Variants in OPCML observed in about 807,000 individuals in gnomAD.
OPCML encodes the protein opioid-binding protein/cell adhesion molecule.
In OPCML, 13 loss-of-function variants were observed where a neutral mutation model predicts 37.8. The ratio of observed to expected loss-of-function variants is 0.34; its 90% CI spans 0.22 to 0.55. The LOEUF (loss-of-function observed/expected upper bound fraction) is 0.55, where lower values mean the gene tolerates loss of function less well. OPCML is among the 20% of genes least tolerant of loss of function. The pLI is 0.91. For synonymous variants in OPCML, 176 were observed against 168.8 expected (o/e 1.04, Z -0.33); for missense variants, 341 against 435.6 (o/e 0.78, Z 1.93).
intron 2 of OPCML, among the ~76,000 whole-genome samples, chr11:132,682,783 G>T (rs186418607): frequency 5.9e-5 from 9 of 152,286 alleles, no homozygotes; most frequent in African/African-American, 1.9e-4. Context: ...CCGTTACATA[G>T]ATACTAATTT....
chr11:133,059,223 G>A (rs182183459), intron 1 of OPCML, among the ~76,000 whole-genome samples: 1 of 152,296 alleles, frequency 6.6e-6, no homozygotes, highest in Non-Finnish European at 1.5e-5. Context: ...TACAGATAAA[G>A]CTCAAGGAAG....
At chr11:133,111,482 TAGTAC>T (rs1362628258) in intron 1 of OPCML, among the ~76,000 whole-genome samples, 10 of 152,186 alleles carry the variant, frequency 6.6e-5, no homozygotes, top group Non-Finnish European at 7.4e-5. Context: ...CAGTGTTAGT[TAGTAC>T]GAGTCTTTCT....
At position 133,174,307 on chromosome 11, in the gene OPCML, G is replaced by C. The variant is rs1478682133; in HGVS notation, c.62-231297C>G. Among the ~76,000 whole-genome samples, 1 of 152,158 alleles carries C rather than the reference G, an allele frequency of 6.6e-6. No homozygotes were observed. Among genetic ancestry groups the C allele is most frequent in the Admixed American group, 6.5e-5 (1 of 15,274 alleles). On this transcript the variant is annotated intron_variant, in intron 1 of 7. Transcript: ENST00000524381. The surrounding 1 kb of genome is among the most constrained non-coding windows in gnomAD (Gnocchi z 4.6). ...GTAGAGACCTGGAGAGAGAGGACAG[G>C]GGCCTCGCATGAACCTAGGTTCCAG...
At chr11:132,479,956 G>A (rs2096173314) in intron 4 of OPCML, among the ~76,000 whole-genome samples, 1 of 152,196 alleles carries the variant, frequency 6.6e-6, no homozygotes, top group African/African-American at 2.4e-5. Context: ...CTAAAAAGCA[G>A]AGCGCCTCTC....
chr11:132,456,833 T>C (rs2096084282), intron 4 of OPCML, among the ~76,000 whole-genome samples: 1 of 152,246 alleles, frequency 6.6e-6, no homozygotes, highest in South Asian at 2.1e-4. Context: ...TCTGTAATAC[T>C]CTATTTTTAC....
At chr11:133,105,847 T>A (rs1949148030) in intron 1 of OPCML, among the ~76,000 whole-genome samples, 1 of 152,066 alleles carries the variant, frequency 6.6e-6, no homozygotes, top group Non-Finnish European at 1.5e-5. Context: ...CCAGGCATGG[T>A]GGCGGGTGCC....
chr11:133,248,343 C>T (rs188104978), intron 1 of OPCML, among the ~76,000 whole-genome samples: 1 of 152,318 alleles, frequency 6.6e-6, no homozygotes. Flanking sequence ...GGTGGGACAC[C>T]TCTTTGGCTA....
intron 1 of OPCML, chr11:133,419,456 A>G: frequency 2.3e-6 from 1 of 427,162 alleles, no homozygotes; most frequent in South Asian, 9.8e-5. Context: ...GTTGAGTTAT[A>G]TAAACTTTTG....
intron 2 of OPCML, among the ~76,000 whole-genome samples, chr11:132,693,560 T>C (rs1036086668): frequency 6.6e-6 from 1 of 152,182 alleles, no homozygotes; most frequent in African/African-American, 2.4e-5. Flanking sequence ...AAAATTCAGC[T>C]TAAGGATGAT....
At chr11:133,068,498 G>A (rs1948474630) in intron 1 of OPCML, among the ~76,000 whole-genome samples, 1 of 152,190 alleles carries the variant, frequency 6.6e-6, no homozygotes, top group African/African-American at 2.4e-5. Flanking sequence ...CATGTGCTCT[G>A]TTCTCTCATC....
intron 2 of OPCML, among the ~76,000 whole-genome samples, chr11:132,775,152 A>G (rs1410973998): frequency 6.6e-6 from 1 of 152,214 alleles, no homozygotes; most frequent in African/African-American, 2.4e-5. Context: ...CTGGAGCAGC[A>G]TCTTTCTGGA....
At chr11:132,557,936 G>A (rs1190646325) in intron 3 of OPCML, among the ~76,000 whole-genome samples, 2 of 151,996 alleles carry the variant, frequency 1.3e-5, no homozygotes, top group Non-Finnish European at 2.9e-5. Context: ...CTCATCTTTT[G>A]AAAAAACAAT....
At chr11:132,989,565 T>C (rs950996718) in intron 1 of OPCML, among the ~76,000 whole-genome samples, 1 of 151,256 alleles carries the variant, frequency 6.6e-6, no homozygotes, top group Admixed American at 6.6e-5. Context: ...GGGAGGACCA[T>C]GCGCTGGAGA....
intron 1 of OPCML, among the ~76,000 whole-genome samples, chr11:133,381,055 T>A (rs1718609207): frequency 6.6e-6 from 1 of 151,812 alleles, no homozygotes; most frequent in African/African-American, 2.4e-5. Flanking sequence ...AGTGTGGAGG[T>A]AAGGAATGTG....
At chr11:133,516,837 T>C (rs1341872023) in intron 1 of OPCML, among the ~76,000 whole-genome samples, 2 of 152,202 alleles carry the variant, frequency 1.3e-5, no homozygotes, top group Non-Finnish European at 2.9e-5. Flanking sequence ...TTTTTATTTT[T>C]TATATAAACA....
At chr11:133,458,876 T>C (rs1418531086) in intron 1 of OPCML, among the ~76,000 whole-genome samples, 6 of 123,228 alleles carry the variant, frequency 4.9e-5, no homozygotes, top group Non-Finnish European at 7.7e-5. Flanking sequence ...TACACACACA[T>C]ACACACACAT....
chr11:132,779,103 G>A lies in OPCML; in HGVS notation c.147-121784C>T, dbSNP rs185260546. Among the ~76,000 whole-genome samples, 352 of 151,886 alleles carry A rather than the reference G, an allele frequency of 2.3e-3. 1 individual carries two copies. The highest frequency in any genetic ancestry group is 4.2e-3 in the Admixed American group (64 of 15,254). Reference sequence around the variant, plus strand: ...GTGCCTCAGCCTCCTGAGTAGCTGGGATTACAGGCACCTGCCACCAGCCCC... The same window carrying A: ...GTGCCTCAGCCTCCTGAGTAGCTGGAATTACAGGCACCTGCCACCAGCCCC... On this transcript the variant is annotated intron_variant, in intron 2 of 7. Transcript: ENST00000524381.
chr11:133,121,811 CCTT>C (rs1270007883), intron 1 of OPCML, among the ~76,000 whole-genome samples: 2 of 152,142 alleles, frequency 1.3e-5, no homozygotes. Context: ...ATCCTTAAGA[CCTT>C]CTAAAATATT....
At chr11:132,685,221 C>T (rs532964606) in intron 2 of OPCML, among the ~76,000 whole-genome samples, 2 of 152,298 alleles carry the variant, frequency 1.3e-5, no homozygotes, top group South Asian at 2.1e-4. Flanking sequence ...TTTCCCTTTC[C>T]GTTTTTGTGG....
Sources: gnomAD v4.1 joint callset for allele counts (sites outside exome capture counted in the v4.1 genomes callset) on GRCh38, gnomAD v4.1.1 for gene constraint, Gnocchi (gnomAD v3.1) non-coding constraint, MANE v1.5 for transcripts, NCBI Gene and HGNC (gene_info 2026-07-23, HGNC 2026-07-21) for gene names.